The following ELMO1 variants were observed in gnomAD, a reference collection of about 807,000 sequenced individuals.
ELMO1 encodes the protein engulfment and cell motility protein 1.
A neutral mutation model predicts 98.9 loss-of-function variants in ELMO1; 26 were observed. The ratio of observed to expected loss-of-function variants is 0.26; its 90% CI spans 0.19 to 0.36. The LOEUF (loss-of-function observed/expected upper bound fraction) is 0.36. Among genes scored for constraint, ELMO1 ranks in the 10% least tolerant of loss-of-function variants. The probability of loss-of-function intolerance (pLI) is 1.00; values close to 1 mark genes in which losing one functional copy is unlikely to be tolerated. For missense variants in ELMO1, 627 were observed against 935.2 expected (o/e 0.67, Z 4.30); for synonymous variants, 346 against 346.0 (o/e 1.00, Z 0.00).
chr7:36,967,343 T>C (rs1420856604), intron 16 of ELMO1, among the ~76,000 whole-genome samples: 1 of 152,198 alleles, frequency 6.6e-6, no homozygotes, highest in African/African-American at 2.4e-5. Flanking sequence ...AAACCCATGC[T>C]TGAGATGCTT....
intron 13 of ELMO1, among the ~76,000 whole-genome samples, chr7:37,177,096 A>G (rs1351872061): frequency 6.6e-6 from 1 of 152,244 alleles, no homozygotes; most frequent in Non-Finnish European, 1.5e-5. Flanking sequence ...TAAGAGCTTC[A>G]AGGAATTAAA....
At chr7:37,322,005 A>G (rs1423929123) in intron 2 of ELMO1, among the ~76,000 whole-genome samples, 1 of 151,508 alleles carries the variant, frequency 6.6e-6, no homozygotes, top group Non-Finnish European at 1.5e-5. Context: ...GACTACAGGC[A>G]CGCACCACCA....
intron 1 of ELMO1, among the ~76,000 whole-genome samples, chr7:37,385,218 T>C (rs13235125): frequency 0.11 from 16,716 of 152,250 alleles, 1,637 homozygotes; most frequent in East Asian, 0.42. Context: ...GTCATGTGGC[T>C]GCCCTACTCA....
At chr7:37,262,955 C>T (rs1796050215) in intron 5 of ELMO1, among the ~76,000 whole-genome samples, 1 of 152,192 alleles carries the variant, frequency 6.6e-6, no homozygotes. Context: ...TGGGCAGTAA[C>T]CCTCATCATG....
intron 19 of ELMO1, 87 bp downstream of exon 19, chr7:36,877,923 G>C (rs1195649614): frequency 9.7e-7 from 1 of 1,030,740 alleles, no homozygotes; most frequent in Admixed American, 2.0e-5. Flanking sequence ...GGCTTACTTA[G>C]GCTGATAGTT....
intron 16 of ELMO1, among the ~76,000 whole-genome samples, chr7:36,966,078 G>A (rs983284283): frequency 1.3e-5 from 2 of 152,210 alleles, no homozygotes; most frequent in African/African-American, 2.4e-5. Context: ...AATGCTTGGT[G>A]TAATAGAGCC....
intron 16 of ELMO1, among the ~76,000 whole-genome samples, chr7:36,997,280 A>T (rs1189816228): frequency 1.3e-5 from 2 of 152,162 alleles, no homozygotes; most frequent in African/African-American, 4.8e-5. Flanking sequence ...AAGGAAAATG[A>T]TTTTGTTTTT....
At position 37,271,923 on chromosome 7, in the gene ELMO1, A is replaced by T. The variant is rs781154568; in HGVS notation, c.193-41T>A. 4.4e-6 allele frequency: 7 copies of T among 1,582,748 alleles called. No homozygotes were observed. The East Asian group carries it at 1.6e-4, about 35-fold the overall frequency. ...AAATCTTTGTAAATTTTCAAGTAGA[A>T]GCTTGGTAAAGAAGAGAACAAAGGC... On this transcript the variant is annotated intron_variant, in intron 4 of 21. Coordinates refer to ENST00000310758, the MANE Select transcript of ELMO1 (RefSeq NM_014800.11).
intron 13 of ELMO1, among the ~76,000 whole-genome samples, chr7:37,143,103 C>T (rs1217492974): frequency 6.6e-6 from 1 of 152,176 alleles, no homozygotes; most frequent in Admixed American, 6.5e-5. Flanking sequence ...TAAAAGAATG[C>T]CTGCTATGCA....
chr7:37,155,487 C>CAA (rs781745325), intron 13 of ELMO1, among the ~76,000 whole-genome samples: 2,471 of 49,470 alleles, frequency 0.05, 212 homozygotes, highest in African/African-American at 0.16. Flanking sequence ...AAACGGAAAG[C>CAA]AAAAAAAAAA....
At chr7:37,166,806 T>G (rs1019154006) in intron 13 of ELMO1, among the ~76,000 whole-genome samples, 5 of 152,342 alleles carry the variant, frequency 3.3e-5, no homozygotes, top group Admixed American at 6.5e-5. Context: ...GAAAAAAATG[T>G]ATATTCTATT....
intron 2 of ELMO1, among the ~76,000 whole-genome samples, chr7:37,322,442 C>A (rs1799568755): frequency 6.6e-6 from 1 of 151,932 alleles, no homozygotes; most frequent in South Asian, 2.1e-4. Flanking sequence ...ATGGTGAAAC[C>A]CCATCTCTAT....
intron 16 of ELMO1, among the ~76,000 whole-genome samples, chr7:36,911,946 G>A (rs2129066995): frequency 6.6e-6 from 1 of 152,294 alleles, no homozygotes; most frequent in Non-Finnish European, 1.5e-5. Flanking sequence ...TGAGAATACA[G>A]CAGCTCGGCT....
At chr7:37,363,339 C>G (rs1213135572) in intron 1 of ELMO1, among the ~76,000 whole-genome samples, 1 of 152,142 alleles carries the variant, frequency 6.6e-6, no homozygotes, top group Non-Finnish European at 1.5e-5. Context: ...AAAGTCGAAA[C>G]CACAAAGACT....
chr7:37,252,870 A>T (rs571803072), intron 6 of ELMO1, among the ~76,000 whole-genome samples: 1 of 152,364 alleles, frequency 6.6e-6, no homozygotes, highest in African/African-American at 2.4e-5. Flanking sequence ...CAAGGAACTT[A>T]AACAAATTTA....
At chr7:37,118,185 C>T (rs1042892802) in intron 14 of ELMO1, among the ~76,000 whole-genome samples, 16 of 152,136 alleles carry the variant, frequency 1.1e-4, no homozygotes, top group Admixed American at 6.5e-4. Flanking sequence ...AAAGTCTTGG[C>T]GTCGCCTCCA....
chr7:37,307,465 C>A (rs746756837), intron 4 of ELMO1, among the ~76,000 whole-genome samples: 3 of 152,120 alleles, frequency 2.0e-5, no homozygotes, highest in African/African-American at 7.2e-5. Flanking sequence ...CCCAGCCCTG[C>A]GGAACTGTGA....
intron 13 of ELMO1, among the ~76,000 whole-genome samples, chr7:37,135,978 G>A (rs1787239360): frequency 6.6e-6 from 1 of 152,030 alleles, no homozygotes. Flanking sequence ...ATAAAAAACA[G>A]GATACAGTAT....
chr7:37,371,039 C>T (rs1802095731), intron 1 of ELMO1, among the ~76,000 whole-genome samples: 1 of 152,158 alleles, frequency 6.6e-6, no homozygotes, highest in African/African-American at 2.4e-5. Context: ...AAAAAATTAA[C>T]TGTCCCATAT....
Sources: allele counts gnomAD v4.1 joint callset (sites outside exome capture counted in the v4.1 genomes callset), GRCh38; gene constraint gnomAD v4.1.1; transcripts MANE v1.5; gene names NCBI Gene and HGNC (gene_info 2026-07-23, HGNC 2026-07-21).